The following SRSF5 variants were observed in gnomAD, a reference collection of about 807,000 sequenced individuals.
SRSF5 encodes the protein serine/arginine-rich splicing factor 5.
A neutral mutation model predicts 34.0 loss-of-function variants in SRSF5; 5 were observed. The observed-to-expected ratio is 0.15, with a 90% CI of 0.08 to 0.31. The LOEUF (loss-of-function observed/expected upper bound fraction) is 0.31, where lower values mean the gene tolerates loss of function less well. Among genes scored for constraint, SRSF5 ranks in the 10% least tolerant of loss-of-function variants. The probability of loss-of-function intolerance (pLI) is 1.00; values close to 1 mark genes in which losing one functional copy is unlikely to be tolerated. For missense variants in SRSF5, 223 were observed against 351.4 expected (o/e 0.63, Z 2.92); for synonymous variants, 164 against 117.7 (o/e 1.39, Z -2.55).
intron 5 of SRSF5, chr14:69,769,507 C>T: frequency 6.5e-7 from 1 of 1,535,296 alleles, no homozygotes; most frequent in Non-Finnish European, 8.7e-7. Flanking sequence ...CCTTTATTTG[C>T]CAGCCTGTCT....
Position 69,770,989 on chromosome 14 carries a change from T to A in SRSF5, c.441-6T>A. 1 of 1,609,878 alleles carries A rather than the reference T, an allele frequency of 6.2e-7. No homozygotes were observed. The highest frequency in any genetic ancestry group is 8.5e-7 in the Non-Finnish European group (1 of 1,178,066). The stretch of plus-strand genomic sequence containing the variant: ...ATACTTTAAAAGTGGCTGTTTTCCA[T>A]TTTAGGGTGGTTGAGTTTGCCTCTT... On this transcript the variant is annotated splice_polypyrimidine_tract_variant and splice_region_variant and intron_variant, in intron 6 of 7. Coordinates refer to ENST00000557154, the MANE Select transcript of SRSF5 (RefSeq NM_001320214.2).
In SRSF5 at chr14:69,771,284, G is replaced by T. The variant is rs1476401203; in HGVS notation, c.642G>T (p.Arg214=). The part of the protein sequence containing the change: ...SRSRSRKSYS[R]SRSRSRSRSR... ...CCCGTAGTCGCAAATCTTACAGCCG[G>T]TCAAGAAGCAGGAGCAGGAGCCGGA... The change falls in exon 8 of 8, where the codon CGG becomes CGT. Residue 214 remains arginine (R), a synonymous_variant. Transcript: ENST00000557154. 6.2e-7 allele frequency: 1 copy of T among 1,614,110 alleles called. No homozygotes were observed. The highest frequency in any genetic ancestry group is 8.5e-7 in the Non-Finnish European group (1 of 1,180,012).
At chr14:69,770,633 A>G in intron 6 of SRSF5, 93 bp downstream of exon 6, 1 of 1,157,780 alleles carries the variant, frequency 8.6e-7, no homozygotes, top group Non-Finnish European at 1.3e-6. Context: ...ATATGTTAGA[A>G]TGCAGAGATT....
In SRSF5 at chr14:69,767,234, C is replaced by T; in HGVS notation, c.-41C>T. 3 of 373,080 alleles carry T rather than the reference C, an allele frequency of 8.0e-6. No homozygotes were observed. The highest frequency in any genetic ancestry group is 2.0e-5 in the South Asian group (1 of 49,276). 23.1% of individuals were successfully genotyped at this position (373,080 alleles called of 1,614,324 possible). On this transcript the variant is annotated 5_prime_UTR_variant, in exon 1 of 8. Transcript: ENST00000557154. ...ACTACGGACCTGTCTGGGTCTCAGCCGCCAAAGACCCCGTCCGGTAGGTGA... is the reference window on the plus strand; with the variant it reads ...ACTACGGACCTGTCTGGGTCTCAGCTGCCAAAGACCCCGTCCGGTAGGTGA...
chr14:69,769,259 G>T lies in SRSF5; in HGVS notation c.366+8G>T. The T allele has an allele frequency of 6.2e-7, 1 of 1,614,050 alleles. No individual in the cohort carries two copies. ...TCAAGAGTCAGCTGGCAGGTTTGTT[G>T]AAATACAGTTTTGAGTTATTTTGAT... On this transcript the variant is annotated splice_region_variant and intron_variant, in intron 5 of 7. Transcript: ENST00000557154.
Position 69,771,520 on chromosome 14 carries a change from CA to C in SRSF5, c.*62del. ...AAAAAACAAAAACCACAAAAATTCC[CA>C]AACCATACTTGCTAAAAATTCTGGT... On this transcript the variant is annotated 3_prime_UTR_variant, in exon 8 of 8. Coordinates refer to ENST00000557154, the MANE Select transcript of SRSF5 (RefSeq NM_001320214.2). The C allele has an allele frequency of 6.4e-7, 1 of 1,556,744 alleles. No individual in the cohort carries two copies. The highest frequency in any genetic ancestry group is 8.7e-7 in the Non-Finnish European group (1 of 1,150,870).
chr14:69,771,563 GT>G lies in SRSF5; in HGVS notation c.*103del. The G allele has an allele frequency of 7.4e-7, 1 of 1,348,138 alleles. No individual in the cohort carries two copies. The highest frequency in any genetic ancestry group is 1.4e-5 in the South Asian group (1 of 70,438). 83.5% of individuals were successfully genotyped at this position (1,348,138 alleles called of 1,614,324 possible). A position where few individuals can be genotyped will look rare whatever the true frequency, so the allele number is the denominator to read the frequency against. ...AATTCTGGTAAGTATGTGCTTTTCT[GT>G]GGGGGTGGGATTTGGAAGGGGGGTT... On this transcript the variant is annotated 3_prime_UTR_variant, in exon 8 of 8. Coordinates refer to ENST00000557154, the MANE Select transcript of SRSF5 (RefSeq NM_001320214.2).
intron 5 of SRSF5, chr14:69,770,013 C>T: frequency 9.7e-7 from 1 of 1,027,112 alleles, no homozygotes; most frequent in Non-Finnish European, 1.2e-6. Context: ...TGGTTTGCTG[C>T]TTGACTAGCC....
rs779801649 is a variant in SRSF5, at chr14:69,768,301, G to T, written c.126+19G>T. 3.0e-5 allele frequency: 48 copies of T among 1,613,784 alleles called. No individual in the cohort carries two copies. Among genetic ancestry groups the T allele is most frequent in the Non-Finnish European group, 4.0e-5 (47 of 1,179,836 alleles). On this transcript the variant is annotated intron_variant, in intron 2 of 7. Transcript: ENST00000557154. ...TTTTGTGGTAAGTATTTAGAACTGGGTGAATTATCTGCTAAGTAGGTAGAG... is the reference window on the plus strand; with the variant it reads ...TTTTGTGGTAAGTATTTAGAACTGGTTGAATTATCTGCTAAGTAGGTAGAG...
At position 69,767,197 on chromosome 14, in the gene SRSF5, A is replaced by G. The variant is rs1594744290; in HGVS notation, c.-78A>G. On this transcript the variant is annotated 5_prime_UTR_variant, in exon 1 of 8. Coordinates refer to ENST00000557154, the MANE Select transcript of SRSF5 (RefSeq NM_001320214.2). The stretch of plus-strand genomic sequence containing the variant: ...GTCCTGGTCTGCGTGGAGGTCGACG[A>G]CTCCGTCGCAGACTACGGACCTGTC... 2.8e-6 allele frequency: 1 copy of G among 356,342 alleles called. No homozygotes were observed. Among genetic ancestry groups the G allele is most frequent in the African/African-American group, 2.2e-5 (1 of 46,496 alleles). The allele number at this position is 356,342 out of a possible 1,614,324, so 22.1% of individuals were successfully genotyped here. A position where few individuals can be genotyped will look rare whatever the true frequency, so the allele number is the denominator to read the frequency against.
rs1486167078 is a variant in SRSF5 at position 69,768,828 on chromosome 14, A to T, written c.228A>T (p.Ser76=). The T allele has an allele frequency of 1.2e-6, 2 of 1,614,204 alleles. No homozygotes were observed. Among genetic ancestry groups the T allele is most frequent in the Non-Finnish European group, 1.7e-6 (2 of 1,180,036 alleles). The part of the protein sequence containing the change: ...RVTIEHARAR[S]RGGRGRGRYS... Reference sequence around the variant, plus strand: ...CTATTGAACATGCTAGGGCTCGGTCACGAGGTGGAAGAGGTAGAGGACGAT... The same window carrying T: ...CTATTGAACATGCTAGGGCTCGGTCTCGAGGTGGAAGAGGTAGAGGACGAT... Residue 76 remains serine (S), a synonymous_variant, in exon 4 of 8, where the codon TCA becomes TCT. Transcript: ENST00000557154.
Position 69,771,498 on chromosome 14 carries a change from AAAC to A in SRSF5, c.*40_*42del, listed in dbSNP as rs752890136. 13 of 1,584,612 alleles carry A rather than the reference AAAC, an allele frequency of 8.2e-6. No homozygotes were observed. The highest frequency in any genetic ancestry group is 2.6e-6 in the Non-Finnish European group (3 of 1,167,086). On this transcript the variant is annotated 3_prime_UTR_variant, in exon 8 of 8. Transcript: ENST00000557154. ...CTTGCCCTGGGGGCCTTTTTTTAAA[AAAC>A]AAAAACCACAAAAATTCCCAAACCA... is the stretch of plus-strand genomic sequence containing the variant.
Position 69,771,568 on chromosome 14 carries a change from G to C in SRSF5, c.*107G>C. On this transcript the variant is annotated 3_prime_UTR_variant, in exon 8 of 8. Transcript: ENST00000557154. ...TGGTAAGTATGTGCTTTTCTGTGGG[G>C]GTGGGATTTGGAAGGGGGGTTGGGT... is the stretch of plus-strand genomic sequence containing the variant. 7.6e-7 allele frequency: 1 copy of C among 1,313,408 alleles called. No homozygotes were observed. Among genetic ancestry groups the C allele is most frequent in the Non-Finnish European group, 1.0e-6 (1 of 977,560 alleles). The allele number at this position is 1,313,408 out of a possible 1,614,324, so 81.4% of individuals were successfully genotyped here.
At chr14:69,767,787 G>T in intron 1 of SRSF5, 1 of 355,686 alleles carries the variant, frequency 2.8e-6, no homozygotes, top group Non-Finnish European at 5.5e-6. Context: ...GCCGCCATTG[G>T]GCTGGCTTTG....
chr14:69,769,140 C>T (rs370702721), intron 4 of SRSF5, 42 bp from the exon 5 acceptor site: 1 of 1,606,834 alleles, frequency 6.2e-7, no homozygotes, highest in Non-Finnish European at 8.5e-7. Flanking sequence ...CAAGTGCTGT[C>T]ATTGCATTTC....
Position 69,768,516 on chromosome 14 carries a change from C to A in SRSF5, c.127-88C>A, listed in dbSNP as rs569066761. ...TGGCAGTGTCGTTAAGATACTCTTC[C>A]CATTCTGTCTCCTGATTTCAGTGCT... On this transcript the variant is annotated intron_variant, in intron 2 of 7. Transcript: ENST00000557154. The A allele has an allele frequency of 3.6e-4, 493 of 1,363,578 alleles. 3 individuals are homozygous for A. The South Asian group carries it at 5.6e-3, about 16-fold the overall frequency. 84.5% of individuals were successfully genotyped at this position (1,363,578 alleles called of 1,614,324 possible). A position where few individuals can be genotyped will look rare whatever the true frequency, so the allele number is the denominator to read the frequency against.
intron 2 of SRSF5, 91 bp from the exon 3 acceptor site, chr14:69,768,513 T>C (rs775779299): frequency 2.4e-5 from 33 of 1,350,436 alleles, no homozygotes; most frequent in Non-Finnish European, 3.5e-5. Flanking sequence ...TAAGATACTC[T>C]TCCCATTCTG....
intron 4 of SRSF5, 40 bp downstream of exon 4, chr14:69,768,936 A>T (rs767420513): frequency 1.3e-6 from 2 of 1,585,182 alleles, no homozygotes; most frequent in Admixed American, 3.3e-5. Flanking sequence ...CAATTATTGT[A>T]GGGGTAGCAT....
chr14:69,767,721 G>C (rs1882678604), intron 1 of SRSF5: 2 of 358,664 alleles, frequency 5.6e-6, no homozygotes, highest in Non-Finnish European at 5.5e-6. Flanking sequence ...GTTGGCGCAG[G>C]CGCGGTCGAG....
Sources: allele counts gnomAD v4.1 joint callset, GRCh38; gene constraint gnomAD v4.1.1; transcripts MANE v1.5; gene names NCBI Gene and HGNC (gene_info 2026-07-23, HGNC 2026-07-21).